CALN1: variants seen among roughly 807,000 people sequenced by gnomAD.
The protein encoded by CALN1 is calcium-binding protein 8.
A neutral mutation model predicts 30.6 loss-of-function variants in CALN1; 17 were observed. That is an observed-to-expected ratio of 0.56 (90% confidence interval 0.38 to 0.83). The LOEUF (loss-of-function observed/expected upper bound fraction) is 0.83. Among genes scored for constraint, CALN1 ranks in the 40% least tolerant of loss-of-function variants. CALN1 has a pLI of 0.00. For synonymous variants in CALN1, 156 were observed against 131.4 expected (o/e 1.19, Z -1.28); for missense variants, 291 against 354.9 (o/e 0.82, Z 1.45).
At chr7:71,947,859 G>C (rs1272703340) in intron 5 of CALN1, among the ~76,000 whole-genome samples, 1 of 150,632 alleles carries the variant, frequency 6.6e-6, no homozygotes, top group Non-Finnish European at 1.5e-5. Flanking sequence ...AGAATTACTT[G>C]AACCTGGGAG....
chr7:72,264,987 T>C (rs938630388), intron 3 of CALN1, among the ~76,000 whole-genome samples: 1 of 152,096 alleles, frequency 6.6e-6, no homozygotes, highest in African/African-American at 2.4e-5. Context: ...GGCCTTCAGC[T>C]CCATCCATGT....
chr7:72,247,621 A>G (rs1207387633), intron 3 of CALN1, among the ~76,000 whole-genome samples: 2 of 152,172 alleles, frequency 1.3e-5, no homozygotes, highest in African/African-American at 2.4e-5. Flanking sequence ...AAGTGGTAAC[A>G]TAGTCCCCTG....
At chr7:72,230,070 G>A (rs1171068971) in intron 3 of CALN1, among the ~76,000 whole-genome samples, 1 of 151,928 alleles carries the variant, frequency 6.6e-6, no homozygotes, top group Non-Finnish European at 1.5e-5. Flanking sequence ...GAACCCAGGA[G>A]GCAGAGCTTG....
At chr7:71,924,727 T>C (rs958475182) in intron 5 of CALN1, among the ~76,000 whole-genome samples, 8 of 152,218 alleles carry the variant, frequency 5.3e-5, no homozygotes, top group Admixed American at 4.6e-4. Context: ...AATAATACAA[T>C]GCTCATTACA....
At chr7:72,200,722 A>G (rs1193908852) in intron 3 of CALN1, among the ~76,000 whole-genome samples, 4 of 152,284 alleles carry the variant, frequency 2.6e-5, no homozygotes, top group Middle Eastern at 6.8e-3. Flanking sequence ...AGCAGCAAAC[A>G]ATGATGATGG....
intron 5 of CALN1, among the ~76,000 whole-genome samples, chr7:71,940,341 C>G (rs996487442): frequency 6.6e-6 from 1 of 152,158 alleles, no homozygotes; most frequent in African/African-American, 2.4e-5. Context: ...GGCTGACTTA[C>G]TAGCCATTAA....
intron 5 of CALN1, among the ~76,000 whole-genome samples, chr7:71,861,523 C>A (rs545995258): frequency 6.6e-6 from 1 of 152,052 alleles, no homozygotes; most frequent in South Asian, 2.1e-4. Context: ...CACCTGTAAT[C>A]CCAACACGTT....
chr7:72,344,560 A>G (rs1214927023), intron 2 of CALN1, among the ~76,000 whole-genome samples: 1 of 147,362 alleles, frequency 6.8e-6, no homozygotes, highest in Non-Finnish European at 1.5e-5. Flanking sequence ...ATAAATATAT[A>G]TATATATTTA....
intron 4 of CALN1, among the ~76,000 whole-genome samples, chr7:72,084,955 C>T (rs145204428): frequency 2.7e-4 from 41 of 152,274 alleles, no homozygotes; most frequent in African/African-American, 9.9e-4. Flanking sequence ...TTGCCAGAGA[C>T]GTGAATCACT....
At chr7:72,289,449 T>G (rs1323690017) in intron 2 of CALN1, among the ~76,000 whole-genome samples, 1 of 152,212 alleles carries the variant, frequency 6.6e-6, no homozygotes, top group African/African-American at 2.4e-5. Context: ...AATATAGACA[T>G]GAGGTGAAGG....
chr7:72,225,647 C>T (rs893566069), intron 3 of CALN1, among the ~76,000 whole-genome samples: 12 of 152,112 alleles, frequency 7.9e-5, no homozygotes, highest in Non-Finnish European at 4.4e-5. Context: ...GTAGAATTTA[C>T]ACTGAAAGGG....
chr7:71,925,870 T>A (rs1795243231), intron 5 of CALN1, among the ~76,000 whole-genome samples: 1 of 148,720 alleles, frequency 6.7e-6, no homozygotes, highest in African/African-American at 2.4e-5. Flanking sequence ...TTGTTGTTGT[T>A]TGAAACGGAG....
chr7:71,828,312 G>C (rs1789049813), intron 5 of CALN1, among the ~76,000 whole-genome samples: 1 of 152,122 alleles, frequency 6.6e-6, no homozygotes, highest in Non-Finnish European at 1.5e-5. Flanking sequence ...TGGGTTTTGT[G>C]ATAAGCCAAT....
At chr7:72,327,078 T>C (rs1318414450) in intron 2 of CALN1, among the ~76,000 whole-genome samples, 1 of 152,210 alleles carries the variant, frequency 6.6e-6, no homozygotes, top group Non-Finnish European at 1.5e-5. Flanking sequence ...GAGACTGAGT[T>C]TGTGGCAGTT....
At chr7:72,155,854 T>C (rs961463840) in intron 3 of CALN1, among the ~76,000 whole-genome samples, 2 of 152,092 alleles carry the variant, frequency 1.3e-5, no homozygotes, top group Admixed American at 6.5e-5. Context: ...AAATAATCCA[T>C]TCCTTGCCTC....
intron 1 of CALN1, among the ~76,000 whole-genome samples, chr7:72,431,891 G>A (rs1807991753): frequency 6.6e-6 from 1 of 151,728 alleles, no homozygotes; most frequent in Non-Finnish European, 1.5e-5. Flanking sequence ...GAATGTTTTG[G>A]GACAGCTCTA....
chr7:72,458,269 T>C, the CALN1 span, among the ~76,000 whole-genome samples: 2 of 68,100 alleles, frequency 2.9e-5, no homozygotes, highest in Non-Finnish European at 4.7e-5. Flanking sequence ...ATATATTCTA[T>C]ATTATATAAT....
intron 2 of CALN1, among the ~76,000 whole-genome samples, chr7:72,321,751 G>C (rs1450417305): frequency 6.6e-6 from 1 of 152,204 alleles, no homozygotes; most frequent in African/African-American, 2.4e-5. Context: ...TATACCCGCA[G>C]TCTTTCTGGA....
intron 5 of CALN1, among the ~76,000 whole-genome samples, chr7:71,922,864 ATAT>A (rs571094650): frequency 3.8e-5 from 5 of 130,488 alleles, no homozygotes; most frequent in African/African-American, 1.5e-4. Context: ...TACACAATGT[ATAT>A]TAATATATAA....
Sources: gnomAD v4.1 joint callset for allele counts (sites outside exome capture counted in the v4.1 genomes callset) on GRCh38, gnomAD v4.1.1 for gene constraint, MANE v1.5 for transcripts, NCBI Gene and HGNC (gene_info 2026-07-23, HGNC 2026-07-21) for gene names.